The following PTCHD4 variants were observed in gnomAD, a reference collection of about 807,000 sequenced individuals.
PTCHD4 encodes patched domain-containing protein 4.
Under a neutral mutation model 58.1 loss-of-function variants are expected in PTCHD4, and 33 were observed. The ratio of observed to expected loss-of-function variants is 0.57; its 90% CI spans 0.43 to 0.76. The LOEUF (loss-of-function observed/expected upper bound fraction) is 0.76, where lower values mean the gene tolerates loss of function less well. PTCHD4 is among the 30% of genes least tolerant of loss of function. The pLI, the probability that PTCHD4 is intolerant of heterozygous loss-of-function variation, is 0.00. For synonymous variants in PTCHD4, 478 were observed against 409.6 expected (o/e 1.17, Z -2.02); for missense variants, 1,058 against 1,027.1 (o/e 1.03, Z -0.41).
intron 4 of PTCHD4, among the ~76,000 whole-genome samples, chr6:47,989,043 G>A (rs538988960): frequency 1.3e-5 from 2 of 152,210 alleles, no homozygotes; most frequent in African/African-American, 2.4e-5. Flanking sequence ...GGACGATAAG[G>A]TTCAGTCTGA....
At chr6:48,065,773 T>G (rs1764773521) in intron 3 of PTCHD4, among the ~76,000 whole-genome samples, 1 of 152,156 alleles carries the variant, frequency 6.6e-6, no homozygotes, top group African/African-American at 2.4e-5. Context: ...GTTTAAAGAC[T>G]CCCACTGATG....
chr6:48,107,761 A>C (rs1322355318), intron 1 of PTCHD4, among the ~76,000 whole-genome samples: 1 of 152,210 alleles, frequency 6.6e-6, no homozygotes, highest in African/African-American at 2.4e-5. Context: ...TAAGAAAAAA[A>C]CAAACAACCC....
chr6:48,009,250 A>T, intron 3 of PTCHD4, 136 bp from the exon 4 acceptor site: 1 of 925,860 alleles, frequency 1.1e-6, no homozygotes, highest in East Asian at 2.7e-5. Flanking sequence ...TGGAGAGGCA[A>T]GTTAGAATTT....
At chr6:48,054,103 G>A (rs1764326079) in intron 3 of PTCHD4, among the ~76,000 whole-genome samples, 1 of 152,062 alleles carries the variant, frequency 6.6e-6, no homozygotes, top group Admixed American at 6.6e-5. Flanking sequence ...CCAATGCTTG[G>A]GTTCTTTCCC....
At chr6:47,954,662 T>C (rs1220991193) in intron 4 of PTCHD4, among the ~76,000 whole-genome samples, 3 of 152,336 alleles carry the variant, frequency 2.0e-5, no homozygotes, top group South Asian at 2.1e-4. Flanking sequence ...TGGTATTTTG[T>C]AGTATTAGTA....
Position 47,859,414 on chromosome 6 carries a change from C to T in PTCHD4, c.*18889G>A, listed in dbSNP as rs1409002812. ...ACCTAGCAAAGAATTCATGGGCAAA[C>T]AACTTTCAAATGTATCAGTAAGTTT... On this transcript the variant is annotated 3_prime_UTR_variant, in exon 5 of 5. Transcript: ENST00000339488. Among the ~76,000 whole-genome samples the T allele has an allele frequency of 1.3e-5, 2 of 151,982 alleles. No homozygotes were observed. Among genetic ancestry groups the T allele is most frequent in the Admixed American group, 1.3e-4 (2 of 15,212 alleles).
chr6:47,995,572 G>A (rs1438811608), intron 4 of PTCHD4, among the ~76,000 whole-genome samples: 1 of 152,232 alleles, frequency 6.6e-6, no homozygotes, highest in East Asian at 1.9e-4. Flanking sequence ...TGAGAGTTTG[G>A]TTTGCCACTG....
chr6:47,982,120 T>C (rs1767902130), intron 4 of PTCHD4, among the ~76,000 whole-genome samples: 1 of 152,204 alleles, frequency 6.6e-6, no homozygotes, highest in Non-Finnish European at 1.5e-5. Flanking sequence ...TGTTGATTTC[T>C]TTCATCTCTC....
intron 1 of PTCHD4, among the ~76,000 whole-genome samples, chr6:48,076,252 C>T (rs555904953): frequency 6.6e-6 from 1 of 152,312 alleles, no homozygotes; most frequent in South Asian, 2.1e-4. Context: ...CTAATTCTAA[C>T]TATTTTGCTA....
intron 4 of PTCHD4, among the ~76,000 whole-genome samples, chr6:47,965,844 G>A (rs1767269269): frequency 6.6e-6 from 1 of 152,184 alleles, no homozygotes; most frequent in African/African-American, 2.4e-5. Flanking sequence ...GAACCCGGGA[G>A]GCGGGGCTTG....
chr6:48,015,214 G>A (rs190584000), intron 3 of PTCHD4, among the ~76,000 whole-genome samples: 2 of 152,096 alleles, frequency 1.3e-5, no homozygotes, highest in East Asian at 1.9e-4. Context: ...ACATCATTAA[G>A]AGTAGATGAC....
intron 4 of PTCHD4, among the ~76,000 whole-genome samples, chr6:47,968,327 C>G (rs1767374672): frequency 6.6e-6 from 1 of 151,904 alleles, no homozygotes. Context: ...AAAACAATTA[C>G]AATAGTAACA....
At chr6:48,102,475 T>C (rs80334549) in intron 1 of PTCHD4, among the ~76,000 whole-genome samples, 23,516 of 152,166 alleles carry the variant, frequency 0.15, 1,875 homozygotes, top group African/African-American at 0.2. Context: ...AAACTATTCT[T>C]GAGGGTGGAG....
intron 4 of PTCHD4, among the ~76,000 whole-genome samples, chr6:47,926,018 G>A (rs748172750): frequency 1.3e-5 from 2 of 152,006 alleles, no homozygotes; most frequent in African/African-American, 4.8e-5. Context: ...TCTTTCTGTC[G>A]AGCCCAATAA....
intron 4 of PTCHD4, among the ~76,000 whole-genome samples, chr6:47,931,115 G>A (rs1160679970): frequency 1.3e-5 from 2 of 152,218 alleles, no homozygotes; most frequent in South Asian, 2.1e-4. Context: ...CGCTGACTTT[G>A]TGTAAGACAG....
chr6:48,047,084 C>G (rs1289850133), intron 3 of PTCHD4, among the ~76,000 whole-genome samples: 1 of 151,690 alleles, frequency 6.6e-6, no homozygotes. Flanking sequence ...TGATTTTTTC[C>G]CCCTTTGTTC....
At chr6:47,891,421 G>A (rs1399812775) in intron 4 of PTCHD4, among the ~76,000 whole-genome samples, 2 of 151,242 alleles carry the variant, frequency 1.3e-5, no homozygotes, top group Non-Finnish European at 2.9e-5. Context: ...GAGACAAAAC[G>A]AGACCCCTCC....
Position 47,877,852 on chromosome 6 carries a change from C to G in PTCHD4, c.*451G>C, listed in dbSNP as rs1763888305. ...TGGTTTAGACAGTATTAAATATGTACTTCCCAAGTGCATAGGTTTCCTTTG... is the reference window on the plus strand; with the variant it reads ...TGGTTTAGACAGTATTAAATATGTAGTTCCCAAGTGCATAGGTTTCCTTTG... On this transcript the variant is annotated 3_prime_UTR_variant, in exon 5 of 5. Transcript: ENST00000339488. 6.6e-6 allele frequency among the ~76,000 whole-genome samples: 1 copy of G among 151,986 alleles called. No homozygotes were observed. The highest frequency in any genetic ancestry group is 1.5e-5 in the Non-Finnish European group (1 of 67,970).
intron 4 of PTCHD4, among the ~76,000 whole-genome samples, chr6:47,945,660 T>G (rs1766388053): frequency 6.6e-6 from 1 of 151,972 alleles, no homozygotes. Context: ...AAGCTGAAGT[T>G]TATTTACTTT....
Sources: allele counts gnomAD v4.1 joint callset (sites outside exome capture counted in the v4.1 genomes callset), GRCh38; gene constraint gnomAD v4.1.1; transcripts MANE v1.5; gene names NCBI Gene and HGNC (gene_info 2026-07-23, HGNC 2026-07-21).